Variants in ATP8B4 observed in about 807,000 individuals in gnomAD.
ATP8B4 encodes ATPase phospholipid transporting 8B4 (putative).
In ATP8B4, 133 loss-of-function variants were observed where a neutral mutation model predicts 145.6. That is an observed-to-expected ratio of 0.91 (90% CI 0.79 to 1.05). The LOEUF (loss-of-function observed/expected upper bound fraction) is 1.05, where lower values mean the gene tolerates loss of function less well. Ranked by LOEUF, ATP8B4 falls within the 50% of genes least tolerant of loss-of-function variation. The pLI, the probability that ATP8B4 is intolerant of heterozygous loss-of-function variation, is 0.00. For synonymous variants in ATP8B4, 507 were observed against 492.9 expected (o/e 1.03, Z -0.38); for missense variants, 1,458 against 1,425.2 (o/e 1.02, Z -0.37).
chr15:50,118,324 A>G (rs2057213496), intron 1 of ATP8B4, among the ~76,000 whole-genome samples: 1 of 152,202 alleles, frequency 6.6e-6, no homozygotes, highest in Non-Finnish European at 1.5e-5. Flanking sequence ...AAATATGTGC[A>G]GTTATTACAT....
Position 49,996,721 on chromosome 15 carries a change from G to A in ATP8B4, c.545C>T (p.Thr182Ile). 2 of 1,610,894 alleles carry A rather than the reference G, an allele frequency of 1.2e-6. No homozygotes were observed. The highest frequency in any genetic ancestry group is 1.7e-5 in the Admixed American group (1 of 59,818). ...GCTGATATCTGCTCCAAGTTCTGAA[G>A]TAACTGATAGTGCATGGCGGACTTT... ...NLKVRHALSV[T>I]SELGADISRL... Residue 182 changes from threonine (T) to isoleucine (I), a missense_variant, in exon 9 of 28, where the codon ACT becomes ATT. Coordinates refer to ENST00000284509, the MANE Select transcript of ATP8B4 (RefSeq NM_024837.4).
intron 2 of ATP8B4, among the ~76,000 whole-genome samples, chr15:50,075,113 A>C (rs2054092972): frequency 6.6e-6 from 1 of 152,202 alleles, no homozygotes; most frequent in Non-Finnish European, 1.5e-5. Flanking sequence ...GAGGGATTGC[A>C]GTAAGAGTCT....
upstream of ATP8B4, among the ~76,000 whole-genome samples, chr15:50,123,160 T>G (rs2057284537): frequency 6.6e-6 from 1 of 152,162 alleles, no homozygotes; most frequent in African/African-American, 2.4e-5. Flanking sequence ...AAGCCACCTT[T>G]GCAAAAATTA....
chr15:49,996,097 C>A (rs2047403668), intron 9 of ATP8B4, among the ~76,000 whole-genome samples: 1 of 152,014 alleles, frequency 6.6e-6, no homozygotes, highest in Non-Finnish European at 1.5e-5. Context: ...GATCGGGGAC[C>A]AGCTGAATGG....
At chr15:49,861,347 G>A (rs112767894) in intron 27 of ATP8B4, among the ~76,000 whole-genome samples, 171 of 151,970 alleles carry the variant, frequency 1.1e-3, no homozygotes, top group African/African-American at 3.9e-3. Context: ...TTTTCCGGAA[G>A]GAATCTTTTT....
chr15:50,090,412 G>A lies in ATP8B4; in HGVS notation c.29-16227C>T, dbSNP rs910319352. Among the ~76,000 whole-genome samples the A allele has an allele frequency of 5.3e-5, 8 of 152,250 alleles. No homozygotes were observed. The South Asian group carries it at 6.2e-4, about 12-fold the overall frequency. ...ATTCCCTATGTGATGCAATTCAGAGGTGGGACCTTGGGAGGTGATTAGGTC... is the reference window on the plus strand; with the variant it reads ...ATTCCCTATGTGATGCAATTCAGAGATGGGACCTTGGGAGGTGATTAGGTC... On this transcript the variant is annotated intron_variant, in intron 2 of 27. Coordinates refer to ENST00000284509, the MANE Select transcript of ATP8B4 (RefSeq NM_024837.4).
chr15:49,867,741 G>A lies in ATP8B4; in HGVS notation c.3028-1257C>T, dbSNP rs114216474. 3.1e-3 allele frequency among the ~76,000 whole-genome samples: 470 copies of A among 152,214 alleles called. 3 individuals are homozygous for A. The highest frequency in any genetic ancestry group is 0.011 in the African/African-American group (450 of 41,546). The stretch of plus-strand genomic sequence containing the variant: ...ACTAATAGAAGAGACAGACAAGCAC[G>A]ATAACAACAACAAAATATAATAAGA... On this transcript the variant is annotated intron_variant, in intron 25 of 27. Coordinates refer to ENST00000284509, the MANE Select transcript of ATP8B4 (RefSeq NM_024837.4).
chr15:50,172,799 T>C (rs189454219), intron 1 of ATP8B4, among the ~76,000 whole-genome samples: 13,621 of 135,212 alleles, frequency 0.1, 811 homozygotes, highest in African/African-American at 0.18. Flanking sequence ...GCCGCGACCC[T>C]GTCTGGGAAA....
chr15:49,975,795 T>C (rs1396807244), intron 12 of ATP8B4, among the ~76,000 whole-genome samples: 1 of 152,178 alleles, frequency 6.6e-6, no homozygotes, highest in East Asian at 1.9e-4. Flanking sequence ...ATTGTCTGTG[T>C]TCTTCCTTTC....
At chr15:50,172,764 G>C (rs2044698924) in intron 1 of ATP8B4, among the ~76,000 whole-genome samples, 1 of 151,710 alleles carries the variant, frequency 6.6e-6, no homozygotes, top group Non-Finnish European at 1.5e-5. Flanking sequence ...CGCCCCGTCT[G>C]AGATGTGAAG....
intron 1 of ATP8B4, among the ~76,000 whole-genome samples, chr15:50,164,139 G>A (rs1195860734): frequency 1.3e-5 from 2 of 152,140 alleles, no homozygotes; most frequent in African/African-American, 4.8e-5. Context: ...TGGCTGAGCT[G>A]GTACTCAAGC....
At chr15:50,162,558 G>C (rs2044536837) in intron 1 of ATP8B4, among the ~76,000 whole-genome samples, 1 of 152,008 alleles carries the variant, frequency 6.6e-6, no homozygotes, top group African/African-American at 2.4e-5. Flanking sequence ...CCAGGCTGGA[G>C]TGCAGTGGCG....
intron 2 of ATP8B4, among the ~76,000 whole-genome samples, chr15:50,089,816 G>A (rs1273172587): frequency 6.6e-6 from 1 of 152,012 alleles, no homozygotes; most frequent in Non-Finnish European, 1.5e-5. Flanking sequence ...ATTCCTCAAA[G>A]ACCTACGGGC....
At chr15:49,907,826 T>C (rs1382196672) in intron 20 of ATP8B4, among the ~76,000 whole-genome samples, 1 of 152,230 alleles carries the variant, frequency 6.6e-6, no homozygotes. Context: ...CCCTGGAAAT[T>C]TCTGCTGACT....
At chr15:49,909,946 G>C (rs1241496786) in intron 20 of ATP8B4, among the ~76,000 whole-genome samples, 1 of 151,938 alleles carries the variant, frequency 6.6e-6, no homozygotes, top group East Asian at 1.9e-4. Context: ...GAAAAAGCTA[G>C]GAAATACAAC....
intron 3 of ATP8B4, among the ~76,000 whole-genome samples, chr15:50,064,516 C>T (rs2053243406): frequency 6.6e-6 from 1 of 152,146 alleles, no homozygotes; most frequent in Non-Finnish European, 1.5e-5. Flanking sequence ...TACCTCCGTG[C>T]ACACAGTCAT....
intron 3 of ATP8B4, among the ~76,000 whole-genome samples, chr15:50,061,185 T>A (rs1389423923): frequency 8.0e-6 from 1 of 125,546 alleles, no homozygotes; most frequent in Admixed American, 8.6e-5. Flanking sequence ...GAGAAGTATA[T>A]TGGATAAAAA....
At chr15:50,170,497 C>CT (rs897428362) in intron 1 of ATP8B4, among the ~76,000 whole-genome samples, 1 of 144,410 alleles carries the variant, frequency 6.9e-6, no homozygotes, top group Non-Finnish European at 1.5e-5. Flanking sequence ...ATTACCAAAC[C>CT]CCCCCCACCC....
chr15:50,160,015 C>CTTTT (rs35773416), intron 1 of ATP8B4, among the ~76,000 whole-genome samples: 820 of 19,946 alleles, frequency 0.041, 107 homozygotes, highest in African/African-American at 0.053. Flanking sequence ...CAGGTCCTGG[C>CTTTT]TTTTTTTTTT....
Sources: allele counts gnomAD v4.1 joint callset (sites outside exome capture counted in the v4.1 genomes callset), GRCh38; gene constraint gnomAD v4.1.1; transcripts MANE v1.5; gene names NCBI Gene and HGNC (gene_info 2026-07-23, HGNC 2026-07-21).